The following METAP1D variants were observed in gnomAD, a reference collection of about 807,000 sequenced individuals.
METAP1D encodes the protein methionine aminopeptidase 1D, mitochondrial.
In METAP1D, 31 loss-of-function variants were observed where a neutral mutation model predicts 40.5. The ratio of observed to expected loss-of-function variants is 0.77; its 90% CI spans 0.58 to 1.03. The LOEUF is 1.03. Among genes scored for constraint, METAP1D ranks in the 50% least tolerant of loss-of-function variants. METAP1D has a pLI of 0.00. For synonymous variants in METAP1D, 151 were observed against 146.4 expected, an observed-to-expected ratio of 1.03 and a Z score of -0.22; for missense variants, 411 against 420.7, an observed-to-expected ratio of 0.98 and a Z score of 0.20.
chr2:172,061,482 C>G lies in METAP1D; in HGVS notation c.41-16C>G. On this transcript the variant is annotated splice_polypyrimidine_tract_variant and intron_variant, in intron 1 of 9. Transcript: ENST00000315796. ...GGTTGTTTTTTTACTTAAAATATGT[C>G]TGTTTCTGCTCACAGGTTCTCATAG... 6.2e-7 allele frequency: 1 copy of G among 1,602,202 alleles called. No individual in the cohort carries two copies. The highest frequency in any genetic ancestry group is 8.5e-7 in the Non-Finnish European group (1 of 1,175,052).
intron 1 of METAP1D, among the ~76,000 whole-genome samples, chr2:172,015,861 A>G (rs1688840412): frequency 6.6e-6 from 1 of 151,714 alleles, no homozygotes; most frequent in Non-Finnish European, 1.5e-5. Flanking sequence ...AGGCTGAGGT[A>G]GAGGATTGCT....
At chr2:172,071,606 C>T (rs1047393525) in intron 6 of METAP1D, among the ~76,000 whole-genome samples, 4 of 151,988 alleles carry the variant, frequency 2.6e-5, no homozygotes, top group African/African-American at 4.8e-5. Flanking sequence ...TCCTGTAAAC[C>T]GTTGTTTATT....
chr2:172,078,410 C>T (rs1004189764), intron 7 of METAP1D, among the ~76,000 whole-genome samples: 3 of 152,152 alleles, frequency 2.0e-5, no homozygotes, highest in Non-Finnish European at 4.4e-5. Context: ...TTGTTTTTCA[C>T]TGCCTGGGTG....
intron 1 of METAP1D, among the ~76,000 whole-genome samples, chr2:172,047,201 AAGTT>A (rs1284336252): frequency 1.3e-5 from 2 of 152,134 alleles, no homozygotes; most frequent in African/African-American, 4.8e-5. Context: ...AAATGTAAAT[AAGTT>A]CTTCCTGTAT....
chr2:172,008,374 C>T (rs1688637878), intron 1 of METAP1D, among the ~76,000 whole-genome samples: 1 of 152,158 alleles, frequency 6.6e-6, no homozygotes, highest in South Asian at 2.1e-4. Context: ...GAAACTTTCT[C>T]ATCAAGTATT....
chr2:172,025,326 AATTATT>A (rs1242533578), intron 1 of METAP1D, among the ~76,000 whole-genome samples: 1 of 151,820 alleles, frequency 6.6e-6, no homozygotes, highest in Admixed American at 6.6e-5. Flanking sequence ...TATGGAAAAA[AATTATT>A]ATTATTATTA....
At chr2:172,045,721 GTGTGTGTGTGTATA>G (rs1689726399) in intron 1 of METAP1D, among the ~76,000 whole-genome samples, 1 of 90,356 alleles carries the variant, frequency 1.1e-5, no homozygotes, top group Admixed American at 1.1e-4. Context: ...GTGTGTGTGT[GTGTGTGTGTGTATA>G]TATATGTGTA....
chr2:172,045,692 CAT>C (rs199604213), intron 1 of METAP1D, among the ~76,000 whole-genome samples: 679 of 66,472 alleles, frequency 0.01, 14 homozygotes, highest in East Asian at 0.071. Flanking sequence ...AAGGATCATT[CAT>C]ATATATGTGT....
At chr2:172,062,571 A>G (rs1269283161) in intron 2 of METAP1D, among the ~76,000 whole-genome samples, 2 of 152,258 alleles carry the variant, frequency 1.3e-5, no homozygotes, top group South Asian at 4.1e-4. Flanking sequence ...CCTGCAAGTT[A>G]TAACCTTGCC....
intron 1 of METAP1D, among the ~76,000 whole-genome samples, chr2:172,046,845 A>G (rs1431860547): frequency 6.6e-6 from 1 of 152,252 alleles, no homozygotes; most frequent in Non-Finnish European, 1.5e-5. Context: ...AATAACAAAG[A>G]TAAGCTTTGA....
rs780550886 is a variant in METAP1D, at chr2:172,071,003, T to A, written c.637T>A (p.Cys213Ser). 3.1e-6 allele frequency: 5 copies of A among 1,612,852 alleles called. No individual in the cohort carries two copies. In the South Asian group the frequency reaches 4.4e-5, roughly 14 times the overall value. Reference sequence around the variant, plus strand: ...AAAGTTAGTGGAGGTTGCCAGGAGGTGTAGAGATGAAGCAATTGCAGCTTG... The same window carrying A: ...AAAGTTAGTGGAGGTTGCCAGGAGGAGTAGAGATGAAGCAATTGCAGCTTG... ...GKKLVEVARRCRDEAIAACRA... is the reference protein window; with the variant it reads ...GKKLVEVARRSRDEAIAACRA... Residue 213 changes from cysteine to serine, a missense_variant, in exon 6 of 10, where the codon TGT becomes AGT. Physicochemically the swap from Cys to Ser is moderately radical, Grantham distance 112. Coordinates refer to ENST00000315796, the MANE Select transcript of METAP1D (RefSeq NM_199227.3).
At chr2:172,009,396 C>T (rs369707020) in intron 1 of METAP1D, among the ~76,000 whole-genome samples, 33 of 152,238 alleles carry the variant, frequency 2.2e-4, no homozygotes, top group East Asian at 1.7e-3. Context: ...ATAACTGAAA[C>T]TCTTATCTAA....
chr2:172,051,807 TTAG>T (rs1426991699), intron 1 of METAP1D, among the ~76,000 whole-genome samples: 6 of 152,304 alleles, frequency 3.9e-5, no homozygotes, highest in African/African-American at 9.6e-5. Flanking sequence ...GTGAATTTTA[TTAG>T]TAGTAGTGAC....
intron 1 of METAP1D, among the ~76,000 whole-genome samples, chr2:172,038,450 A>C (rs1020922017): frequency 1.3e-5 from 2 of 152,288 alleles, no homozygotes; most frequent in Middle Eastern, 3.4e-3. Context: ...TACCATCACC[A>C]ATTTTTTGAC....
At chr2:172,043,977 C>T (rs186537994) in intron 1 of METAP1D, among the ~76,000 whole-genome samples, 1 of 134,454 alleles carries the variant, frequency 7.4e-6, no homozygotes, top group Non-Finnish European at 1.7e-5. Flanking sequence ...CCTGTAGTCC[C>T]AGCTACTTGG....
At chr2:172,034,718 G>T (rs150731341) in intron 1 of METAP1D, among the ~76,000 whole-genome samples, 7 of 151,958 alleles carry the variant, frequency 4.6e-5, no homozygotes, top group Admixed American at 1.3e-4. Context: ...ATCCAACAAG[G>T]GTTTTATCAA....
intron 1 of METAP1D, among the ~76,000 whole-genome samples, chr2:172,015,368 C>T (rs1206065715): frequency 6.6e-6 from 1 of 151,990 alleles, no homozygotes; most frequent in Non-Finnish European, 1.5e-5. Context: ...GCTGGGATTG[C>T]ACCACTGCAC....
chr2:172,010,493 CTTTTTT>C (rs759651661), intron 1 of METAP1D, among the ~76,000 whole-genome samples: 10 of 88,966 alleles, frequency 1.1e-4, no homozygotes, highest in Non-Finnish European at 1.6e-4. Flanking sequence ...CTTCTTTCCT[CTTTTTT>C]TTTTTTTTTT....
intron 1 of METAP1D, among the ~76,000 whole-genome samples, chr2:172,037,259 T>G (rs951020220): frequency 5.9e-5 from 5 of 84,596 alleles, no homozygotes; most frequent in Admixed American, 5.4e-4. Context: ...GGAAACTCCA[T>G]CTCAAGAAAA....
Sources: gnomAD v4.1 joint callset for allele counts (sites outside exome capture counted in the v4.1 genomes callset) on GRCh38, gnomAD v4.1.1 for gene constraint, MANE v1.5 for transcripts, NCBI Gene and HGNC (gene_info 2026-07-23, HGNC 2026-07-21) for gene names.